The following LMOD1 variants were observed in gnomAD, a reference collection of about 807,000 sequenced individuals.
LMOD1 encodes the protein leiomodin 1, also known as leiomodin-1.
In LMOD1, 8 loss-of-function variants were observed where a neutral mutation model predicts 36.5. That is an observed-to-expected ratio of 0.22 (90% CI 0.13 to 0.40). The LOEUF (loss-of-function observed/expected upper bound fraction) is 0.40, where lower values mean the gene tolerates loss of function less well. Ranked by LOEUF, LMOD1 falls within the 10% of genes least tolerant of loss-of-function variation. The pLI, the probability that LMOD1 is intolerant of heterozygous loss-of-function variation, is 1.00. For missense variants in LMOD1, 630 were observed against 751.1 expected (o/e 0.84, Z 1.88); for synonymous variants, 284 against 288.7 (o/e 0.98, Z 0.17).
chr1:201,917,854 G>C (rs537523424), intron 1 of LMOD1, among the ~76,000 whole-genome samples: 1 of 152,346 alleles, frequency 6.6e-6, no homozygotes, highest in East Asian at 1.9e-4. Context: ...GCCTGGGGCT[G>C]TGAGCAGGAG....
At chr1:201,908,958 G>A (rs763746567) in intron 1 of LMOD1, among the ~76,000 whole-genome samples, 1 of 152,204 alleles carries the variant, frequency 6.6e-6, no homozygotes, top group Admixed American at 6.5e-5. Context: ...GACAAGCAAC[G>A]CTGGAGGCTT....
At position 201,912,067 on chromosome 1, in the gene LMOD1, G is replaced by A. The variant is rs553716932; in HGVS notation, c.262-11316C>T. On this transcript the variant is annotated intron_variant, in intron 1 of 2. Coordinates refer to ENST00000367288, the MANE Select transcript of LMOD1 (RefSeq NM_012134.3). The stretch of plus-strand genomic sequence containing the variant: ...CTTCCAGTCTGCTAATGTATGTGGA[G>A]CACAGAGCCAGGAGGTTGCACCTGG... Among the ~76,000 whole-genome samples, 3 of 152,264 alleles carry A rather than the reference G, an allele frequency of 2.0e-5. No homozygotes were observed. The South Asian group carries it at 6.2e-4, about 32-fold the overall frequency.
At chr1:201,924,248 C>T (rs1207967600) in intron 1 of LMOD1, among the ~76,000 whole-genome samples, 4 of 148,932 alleles carry the variant, frequency 2.7e-5, no homozygotes, top group African/African-American at 4.9e-5. Context: ...GGCGTGAACC[C>T]GGGAGGCGGA....
At chr1:201,922,917 T>C (rs750983444) in intron 1 of LMOD1, among the ~76,000 whole-genome samples, 13 of 152,016 alleles carry the variant, frequency 8.6e-5, no homozygotes, top group Non-Finnish European at 1.8e-4. Context: ...CTTCGCTTCC[T>C]GGGTTCAAGT....
chr1:201,936,252 T>C (rs1283668247), intron 1 of LMOD1, among the ~76,000 whole-genome samples: 1 of 151,960 alleles, frequency 6.6e-6, no homozygotes, highest in Non-Finnish European at 1.5e-5. Flanking sequence ...GAAACACCCT[T>C]CTAACTGGTC....
At chr1:201,921,565 T>C (rs962332791) in intron 1 of LMOD1, among the ~76,000 whole-genome samples, 1 of 150,132 alleles carries the variant, frequency 6.7e-6, no homozygotes, top group African/African-American at 2.5e-5. Context: ...TTGGGAGTCA[T>C]TGGTGTATAC....
intron 1 of LMOD1, among the ~76,000 whole-genome samples, chr1:201,924,955 C>G (rs1681803121): frequency 6.6e-6 from 1 of 152,192 alleles, no homozygotes; most frequent in East Asian, 1.9e-4. Context: ...TGGCTCATAC[C>G]TGTAGTCCCA....
At chr1:201,934,200 G>A (rs540922928) in intron 1 of LMOD1, among the ~76,000 whole-genome samples, 1 of 152,158 alleles carries the variant, frequency 6.6e-6, no homozygotes, top group Non-Finnish European at 1.5e-5. Context: ...GCCCTCATCC[G>A]GGGAGCACTG....
rs4987074 is a variant in LMOD1 at position 201,896,504 on chromosome 1, C to A, written c.*1868G>T. On this transcript the variant is annotated 3_prime_UTR_variant, in exon 3 of 3. Coordinates refer to ENST00000367288, the MANE Select transcript of LMOD1 (RefSeq NM_012134.3). ...TGTGATCATGGATATATTAGTTAAC[C>A]TCTCTGGGCCAAATTCTATCTGCAA... 4.4e-6 allele frequency: 2 copies of A among 456,606 alleles called. No homozygotes were observed. The highest frequency in any genetic ancestry group is 2.0e-5 in the African/African-American group (1 of 50,078). 28.3% of individuals were successfully genotyped at this position (456,606 alleles called of 1,614,324 possible).
intron 1 of LMOD1, among the ~76,000 whole-genome samples, chr1:201,913,324 G>C (rs1428698549): frequency 6.6e-6 from 1 of 152,140 alleles, no homozygotes; most frequent in East Asian, 1.9e-4. Context: ...TGATGTTTCA[G>C]GCTGGGCACA....
intron 1 of LMOD1, among the ~76,000 whole-genome samples, chr1:201,923,992 AAAG>A (rs1681755117): frequency 1.3e-5 from 2 of 151,330 alleles, no homozygotes; most frequent in Admixed American, 1.3e-4. Flanking sequence ...AAGAAAAAGA[AAAG>A]AAAGAAAGAG....
intron 1 of LMOD1, among the ~76,000 whole-genome samples, chr1:201,901,574 A>ATG (rs1681314540): frequency 2.9e-5 from 1 of 34,412 alleles, no homozygotes; most frequent in Non-Finnish European, 5.3e-5. Context: ...GTATATATAT[A>ATG]TATATATATA....
intron 2 of LMOD1, 28 bp from the exon 3 acceptor site, chr1:201,898,426 G>C (rs1681230763): frequency 1.2e-6 from 2 of 1,607,298 alleles, no homozygotes; most frequent in African/African-American, 1.3e-5. Context: ...AGACAGGTTA[G>C]AGAAGGGAGC....
chr1:201,940,771 G>A (rs1284892521), intron 1 of LMOD1, among the ~76,000 whole-genome samples: 3 of 133,632 alleles, frequency 2.2e-5, no homozygotes, highest in Non-Finnish European at 3.2e-5. Context: ...TTTTTGAGAC[G>A]GAATTCTGCT....
chr1:201,920,045 C>CTTTTTT (rs576044641), intron 1 of LMOD1, among the ~76,000 whole-genome samples: 13 of 52,532 alleles, frequency 2.5e-4, no homozygotes, highest in East Asian at 1.8e-3. Context: ...GGCTCTCTCT[C>CTTTTTT]TTTTTTTTTT....
intron 1 of LMOD1, among the ~76,000 whole-genome samples, chr1:201,918,879 C>T (rs946182338): frequency 4.6e-5 from 7 of 152,164 alleles, no homozygotes; most frequent in Non-Finnish European, 1.5e-5. Context: ...TTCATGCATA[C>T]ATATTTCAGT....
chr1:201,932,750 C>G (rs1681946919), intron 1 of LMOD1, among the ~76,000 whole-genome samples: 1 of 152,018 alleles, frequency 6.6e-6, no homozygotes. Flanking sequence ...AAAGAAAAAA[C>G]AAAAAGAAAG....
chr1:201,942,502 T>G (rs1253178862), intron 1 of LMOD1, among the ~76,000 whole-genome samples: 1 of 151,974 alleles, frequency 6.6e-6, no homozygotes, highest in East Asian at 1.9e-4. Context: ...CTCTGGAATA[T>G]CCCATCCCTT....
At chr1:201,900,821 G>A (rs1681288548) in intron 1 of LMOD1, 70 bp from the exon 2 acceptor site, 2 of 1,365,400 alleles carry the variant, frequency 1.5e-6, no homozygotes, top group Admixed American at 2.4e-5. Flanking sequence ...GTATGGGGAT[G>A]TGTGGGGGAG....
Sources: allele counts gnomAD v4.1 joint callset (sites outside exome capture counted in the v4.1 genomes callset), GRCh38; gene constraint gnomAD v4.1.1; transcripts MANE v1.5; gene names NCBI Gene and HGNC (gene_info 2026-07-23, HGNC 2026-07-21).